CDH13: variants seen among roughly 807,000 people sequenced by gnomAD.
CDH13 encodes the protein cadherin-13.
In CDH13, 24 loss-of-function variants were observed where a neutral mutation model predicts 63.8. The ratio of observed to expected loss-of-function variants is 0.38; its 90% CI spans 0.27 to 0.53. The LOEUF is 0.53. CDH13 is among the 20% of genes least tolerant of loss of function. The pLI, the probability that CDH13 is intolerant of heterozygous loss-of-function variation, is 0.85. For synonymous variants in CDH13, 503 were observed against 355.3 expected, an observed-to-expected ratio of 1.42 and a Z score of -4.67; for missense variants, 1,049 against 903.1, an observed-to-expected ratio of 1.16 and a Z score of -2.07.
chr16:83,334,703 A>G (rs953002922), intron 5 of CDH13, among the ~76,000 whole-genome samples: 4 of 152,160 alleles, frequency 2.6e-5, no homozygotes, highest in African/African-American at 9.7e-5. Context: ...CCAGCTGATC[A>G]GCAACCTTAA....
chr16:83,011,429 C>T (rs902825094), intron 2 of CDH13, among the ~76,000 whole-genome samples: 7 of 152,198 alleles, frequency 4.6e-5, no homozygotes, highest in African/African-American at 1.7e-4. Flanking sequence ...GGTGAGCCCT[C>T]AACTTCTACA....
chr16:83,563,058 C>G (rs539611940), intron 7 of CDH13, among the ~76,000 whole-genome samples: 1 of 152,316 alleles, frequency 6.6e-6, no homozygotes, highest in African/African-American at 2.4e-5. Context: ...CTACAAGATT[C>G]CTTTCATGAT....
intron 3 of CDH13, among the ~76,000 whole-genome samples, chr16:83,060,037 G>T (rs1311841874): frequency 6.6e-6 from 1 of 151,860 alleles, no homozygotes; most frequent in Non-Finnish European, 1.5e-5. Context: ...CTTGTGATCC[G>T]CAAGCCTCGG....
At chr16:82,817,367 A>G (rs1436656481) in intron 1 of CDH13, among the ~76,000 whole-genome samples, 1 of 152,026 alleles carries the variant, frequency 6.6e-6, no homozygotes, top group South Asian at 2.1e-4. Context: ...TGCTGAATCC[A>G]TTGACTGCAC....
intron 12 of CDH13, among the ~76,000 whole-genome samples, chr16:83,782,761 A>G (rs1915616534): frequency 6.6e-6 from 1 of 151,538 alleles, no homozygotes; most frequent in East Asian, 1.9e-4. Flanking sequence ...AAAACTAAAG[A>G]CAAAAAATGT....
intron 10 of CDH13, among the ~76,000 whole-genome samples, chr16:83,730,944 T>G (rs1910976545): frequency 6.6e-6 from 1 of 152,338 alleles, no homozygotes; most frequent in East Asian, 1.9e-4. Context: ...GCTAATTCGC[T>G]TAGGTTAATG....
At chr16:82,906,534 G>A (rs1327020030) in intron 2 of CDH13, among the ~76,000 whole-genome samples, 1 of 152,176 alleles carries the variant, frequency 6.6e-6, no homozygotes, top group Non-Finnish European at 1.5e-5. Flanking sequence ...TGTGACAAAG[G>A]CTGGTTTCTC....
intron 8 of CDH13, among the ~76,000 whole-genome samples, chr16:83,665,573 C>A (rs1913871953): frequency 6.6e-6 from 1 of 152,090 alleles, no homozygotes; most frequent in Non-Finnish European, 1.5e-5. Flanking sequence ...TTAGTGAGAC[C>A]CTATAATTTT....
At chr16:83,292,810 GCT>G (rs1199846382) in intron 5 of CDH13, among the ~76,000 whole-genome samples, 3 of 152,100 alleles carry the variant, frequency 2.0e-5, no homozygotes, top group East Asian at 1.9e-4. Flanking sequence ...GCTTGATAGT[GCT>G]CTGTTTCTTT....
At chr16:83,392,158 G>A (rs965556863) in intron 6 of CDH13, among the ~76,000 whole-genome samples, 3 of 152,068 alleles carry the variant, frequency 2.0e-5, no homozygotes, top group Non-Finnish European at 4.4e-5. Flanking sequence ...GAATGACTTC[G>A]GTAGCCTGAA....
At chr16:83,776,353 A>T (rs1202821106) in intron 11 of CDH13, among the ~76,000 whole-genome samples, 1 of 152,220 alleles carries the variant, frequency 6.6e-6, no homozygotes. Flanking sequence ...TCAGTAAAGA[A>T]ATTTAACTAA....
At chr16:82,787,574 T>C (rs1036608795) in intron 1 of CDH13, among the ~76,000 whole-genome samples, 1 of 152,200 alleles carries the variant, frequency 6.6e-6, no homozygotes, top group African/African-American at 2.4e-5. Flanking sequence ...TATTGTATGC[T>C]AGACATATGC....
intron 7 of CDH13, among the ~76,000 whole-genome samples, chr16:83,545,151 C>A: frequency 6.6e-6 from 1 of 152,308 alleles, no homozygotes; most frequent in Non-Finnish European, 1.5e-5. Flanking sequence ...CCTTCAGCTC[C>A]TTAGCCCTTC....
intron 1 of CDH13, among the ~76,000 whole-genome samples, chr16:82,713,881 T>A (rs1487579021): frequency 6.6e-6 from 1 of 150,568 alleles, no homozygotes; most frequent in Admixed American, 6.6e-5. Flanking sequence ...TCCAGTGAGA[T>A]CATATCTTGG....
chr16:83,748,875 C>T (rs564554983), intron 11 of CDH13, among the ~76,000 whole-genome samples: 1 of 152,212 alleles, frequency 6.6e-6, no homozygotes, highest in Non-Finnish European at 1.5e-5. Context: ...CACGATTGTT[C>T]TCTGCTCCTT....
intron 5 of CDH13, among the ~76,000 whole-genome samples, chr16:83,219,376 G>A (rs1289418971): frequency 6.6e-6 from 1 of 152,202 alleles, no homozygotes; most frequent in Non-Finnish European, 1.5e-5. Context: ...CACACAGCCA[G>A]ATTGGCTGCA....
intron 2 of CDH13, among the ~76,000 whole-genome samples, chr16:82,861,459 G>C (rs1230077640): frequency 2.6e-5 from 4 of 152,162 alleles, no homozygotes; most frequent in African/African-American, 7.2e-5. Flanking sequence ...CCCTAGACTT[G>C]TGTTCATCCA....
At chr16:83,054,479 A>G (rs1193671008) in intron 3 of CDH13, among the ~76,000 whole-genome samples, 1 of 152,210 alleles carries the variant, frequency 6.6e-6, no homozygotes, top group Admixed American at 6.5e-5. Flanking sequence ...TAGTATGTAC[A>G]GTGTGGATAC....
At chr16:83,018,803 T>C (rs142514590) in intron 2 of CDH13, among the ~76,000 whole-genome samples, 1 of 152,228 alleles carries the variant, frequency 6.6e-6, no homozygotes, top group Non-Finnish European at 1.5e-5. Flanking sequence ...CTGAGTGCTA[T>C]AGGCAATTGT....
Sources: allele counts gnomAD v4.1 joint callset (sites outside exome capture counted in the v4.1 genomes callset), GRCh38; gene constraint gnomAD v4.1.1; transcripts MANE v1.5; gene names NCBI Gene and HGNC (gene_info 2026-07-23, HGNC 2026-07-21).